Variants in BMP6 observed in about 807,000 individuals in gnomAD.
The protein encoded by BMP6 is VG-1-R.
A neutral mutation model predicts 54.1 loss-of-function variants in BMP6; 17 were observed. The observed-to-expected ratio is 0.31, with a 90% CI of 0.22 to 0.47. The LOEUF is 0.47. BMP6 is among the 20% of genes least tolerant of loss of function. BMP6 has a pLI of 1.00. For missense variants in BMP6, 720 were observed against 690.4 expected (o/e 1.04, Z -0.48); for synonymous variants, 328 against 291.2 (o/e 1.13, Z -1.28).
At chr6:7,783,404 G>A (rs936291695) in intron 1 of BMP6, among the ~76,000 whole-genome samples, 1 of 152,202 alleles carries the variant, frequency 6.6e-6, no homozygotes, top group East Asian at 1.9e-4. Flanking sequence ...CGCTTCAAAG[G>A]TTCCATTTTT....
rs192468163 is a variant in BMP6 at position 7,826,358 on chromosome 6, A to G, written c.665-18782A>G. Among the ~76,000 whole-genome samples the G allele has an allele frequency of 8.7e-4, 133 of 152,210 alleles. 1 individual carries two copies. The East Asian group carries it at 0.024, about 27-fold the overall frequency. ...GTATTGATCTCCCAGGTGGCTTCCT[A>G]ATCCTCAGGGTGCTGCAGAGGTCAG... On this transcript the variant is annotated intron_variant, in intron 1 of 6. Coordinates refer to ENST00000283147, the MANE Select transcript of BMP6 (RefSeq NM_001718.6).
chr6:7,735,917 A>G (rs1315425929), intron 1 of BMP6, among the ~76,000 whole-genome samples: 4 of 152,256 alleles, frequency 2.6e-5, no homozygotes, highest in Non-Finnish European at 5.9e-5. Flanking sequence ...ACATTAAACA[A>G]GGAAAAACAA....
At chr6:7,879,020 A>G (rs985039102) in intron 4 of BMP6, 54 bp from the exon 5 acceptor site, 11 of 1,535,936 alleles carry the variant, frequency 7.2e-6, no homozygotes, top group Non-Finnish European at 9.9e-6. Flanking sequence ...GAAGGAATTA[A>G]TGAGTTGATG....
At chr6:7,822,239 C>T (rs1337339775) in intron 1 of BMP6, among the ~76,000 whole-genome samples, 4 of 152,138 alleles carry the variant, frequency 2.6e-5, no homozygotes, top group Non-Finnish European at 4.4e-5. Context: ...AGGCTGGTCT[C>T]GAACTCCTGA....
chr6:7,792,797 T>C (rs1388850367), intron 1 of BMP6, among the ~76,000 whole-genome samples: 1 of 152,160 alleles, frequency 6.6e-6, no homozygotes, highest in Non-Finnish European at 1.5e-5. Flanking sequence ...TACTCTAGCC[T>C]AGGTCTTGAT....
chr6:7,782,502 G>T (rs953061407), intron 1 of BMP6, among the ~76,000 whole-genome samples: 1 of 152,114 alleles, frequency 6.6e-6, no homozygotes, highest in African/African-American at 2.4e-5. Context: ...CCTGAGGTCA[G>T]AAGTTTGAGA....
intron 1 of BMP6, among the ~76,000 whole-genome samples, chr6:7,783,808 G>A (rs529257373): frequency 2.0e-5 from 3 of 152,320 alleles, no homozygotes; most frequent in Admixed American, 1.3e-4. Context: ...TCTTCTTCAT[G>A]GAATGAGCAT....
chr6:7,745,300 G>A (rs1199666874), intron 1 of BMP6, among the ~76,000 whole-genome samples: 1 of 152,214 alleles, frequency 6.6e-6, no homozygotes, highest in African/African-American at 2.4e-5. Context: ...TGAACAAAGA[G>A]TCTCACTCTG....
chr6:7,773,430 G>T (rs1428547675), intron 1 of BMP6, among the ~76,000 whole-genome samples: 1 of 152,184 alleles, frequency 6.6e-6, no homozygotes, highest in Non-Finnish European at 1.5e-5. Context: ...CAGGGTTCTA[G>T]GGAGAGACTG....
chr6:7,839,608 C>T (rs534126560), intron 1 of BMP6, among the ~76,000 whole-genome samples: 5 of 152,302 alleles, frequency 3.3e-5, no homozygotes, highest in South Asian at 2.1e-4. Flanking sequence ...ACAATGTCCT[C>T]GGGGTTCATG....
At chr6:7,806,745 AATTAAT>A (rs1194246500) in intron 1 of BMP6, among the ~76,000 whole-genome samples, 1 of 152,174 alleles carries the variant, frequency 6.6e-6, no homozygotes, top group Non-Finnish European at 1.5e-5. Flanking sequence ...ATCCTAATGA[AATTAAT>A]ATTTTCCACT....
At chr6:7,773,928 T>C (rs1757825134) in intron 1 of BMP6, among the ~76,000 whole-genome samples, 1 of 152,208 alleles carries the variant, frequency 6.6e-6, no homozygotes. Flanking sequence ...TTTATCCACT[T>C]GGTCGTTATT....
chr6:7,757,287 G>A (rs1757530773), intron 1 of BMP6, among the ~76,000 whole-genome samples: 1 of 152,192 alleles, frequency 6.6e-6, no homozygotes, highest in Admixed American at 6.5e-5. Context: ...CTGAAACCAA[G>A]GTGTCAGCAG....
chr6:7,728,081 C>G (rs1446912736), intron 1 of BMP6, among the ~76,000 whole-genome samples: 3 of 151,264 alleles, frequency 2.0e-5, no homozygotes, highest in Non-Finnish European at 4.4e-5. Context: ...GTGCAGTTTT[C>G]CCACCGAGAC....
intron 1 of BMP6, among the ~76,000 whole-genome samples, chr6:7,766,966 T>G (rs1757701333): frequency 6.8e-6 from 1 of 147,308 alleles, no homozygotes; most frequent in Non-Finnish European, 1.5e-5. Context: ...ATTTATTTAT[T>G]TATTTTTTTA....
chr6:7,769,956 CATCAT>C (rs1344400299), intron 1 of BMP6, among the ~76,000 whole-genome samples: 1 of 152,098 alleles, frequency 6.6e-6, no homozygotes, highest in African/African-American at 2.4e-5. Flanking sequence ...AACCCTTAGT[CATCAT>C]ATATAATTAT....
At position 7,806,983 on chromosome 6, in the gene BMP6, C is replaced by T. The variant is rs1243316448; in HGVS notation, c.665-38157C>T. 3.3e-5 allele frequency among the ~76,000 whole-genome samples: 5 copies of T among 152,212 alleles called. 1 individual carries two copies. The East Asian group carries it at 9.6e-4, about 29-fold the overall frequency. Reference sequence around the variant, plus strand: ...GAAAGTTGTCCCTAGTTTTAATAACCTCCTGACAAGAGGATTCCACTGTTT... The same window carrying T: ...GAAAGTTGTCCCTAGTTTTAATAACTTCCTGACAAGAGGATTCCACTGTTT... On this transcript the variant is annotated intron_variant, in intron 1 of 6. Coordinates refer to ENST00000283147, the MANE Select transcript of BMP6 (RefSeq NM_001718.6).
At chr6:7,781,002 C>T (rs189409589) in intron 1 of BMP6, among the ~76,000 whole-genome samples, 9 of 152,278 alleles carry the variant, frequency 5.9e-5, no homozygotes, top group South Asian at 4.1e-4. Context: ...TGAGCCACTG[C>T]GCCCAGCTAA....
intron 2 of BMP6, among the ~76,000 whole-genome samples, chr6:7,858,174 C>T (rs1175077542): frequency 6.6e-6 from 1 of 152,178 alleles, no homozygotes; most frequent in Non-Finnish European, 1.5e-5. Flanking sequence ...CCTCCACTTC[C>T]CCGGACTCAG....
Sources: gnomAD v4.1 joint callset for allele counts (sites outside exome capture counted in the v4.1 genomes callset) on GRCh38, gnomAD v4.1.1 for gene constraint, MANE v1.5 for transcripts, NCBI Gene and HGNC (gene_info 2026-07-23, HGNC 2026-07-21) for gene names.